MR1: variants seen among roughly 807,000 people sequenced by gnomAD.
The protein encoded by MR1 is major histocompatibility complex, class I-related.
Under a neutral mutation model 37.8 loss-of-function variants are expected in MR1, and 44 were observed. The ratio of observed to expected loss-of-function variants is 1.16; its 90% CI spans 0.91 to 1.50. The LOEUF (loss-of-function observed/expected upper bound fraction) is 1.50, where lower values mean the gene tolerates loss of function less well. Ranked by LOEUF, MR1 falls within the 40% of genes most tolerant of loss-of-function variation. MR1 has a pLI of 0.00. For missense variants in MR1, 386 were observed against 419.1 expected (o/e 0.92, Z 0.69); for synonymous variants, 153 against 155.8 (o/e 0.98, Z 0.13).
In MR1 at chr1:181,061,692, C is replaced by T. The variant is rs1469293188; in HGVS notation, c.*6427C>T. On this transcript the variant is annotated 3_prime_UTR_variant, in exon 6 of 6. Transcript: ENST00000367580. ...CAGTCTGTTTGCATGATGCCTTGTACGTAGTAGCAACTCAGTAAATACTTT... is the reference window on the plus strand; with the variant it reads ...CAGTCTGTTTGCATGATGCCTTGTATGTAGTAGCAACTCAGTAAATACTTT... The T allele has an allele frequency of 5.9e-5, 9 of 152,154 alleles. No individual in the cohort carries two copies. Among genetic ancestry groups the T allele is most frequent in the East Asian group, 3.8e-4 (2 of 5,204 alleles). 9.4% of individuals were successfully genotyped at this position (152,154 alleles called of 1,614,324 possible).
At chr1:181,046,834 C>T (rs1051676859) in intron 1 of MR1, among the ~76,000 whole-genome samples, 2 of 151,890 alleles carry the variant, frequency 1.3e-5, no homozygotes, top group Admixed American at 6.6e-5. Context: ...CCAGGAGGAA[C>T]GAACAACTCC....
intron 3 of MR1, 35 bp downstream of exon 3, chr1:181,050,321 C>T: frequency 6.2e-7 from 1 of 1,612,602 alleles, no homozygotes; most frequent in Non-Finnish European, 8.5e-7. Context: ...TCCCACATTG[C>T]CTGAACAACT....
At chr1:181,042,875 A>G (rs73050344) in intron 1 of MR1, among the ~76,000 whole-genome samples, 3,774 of 152,276 alleles carry the variant, frequency 0.025, 139 homozygotes, top group African/African-American at 0.083. Context: ...CCACAGAAAT[A>G]AAGTGTTTCA....
Position 181,055,936 on chromosome 1 carries a change from C to T in MR1, c.*671C>T, listed in dbSNP as rs1658591069. 1 of 152,264 alleles carries T rather than the reference C, an allele frequency of 6.6e-6. No homozygotes were observed. Among genetic ancestry groups the T allele is most frequent in the Admixed American group, 6.5e-5 (1 of 15,272 alleles). 9.4% of individuals were successfully genotyped at this position (152,264 alleles called of 1,614,324 possible). A position where few individuals can be genotyped will look rare whatever the true frequency, so the allele number is the denominator to read the frequency against. ...CCTGGGAGCTTGGAATCTTGGTAAT[C>T]TGCCCGGTTGGATCTATGGAGGTAG... is the stretch of plus-strand genomic sequence containing the variant. On this transcript the variant is annotated 3_prime_UTR_variant, in exon 6 of 6. Transcript: ENST00000367580.
At chr1:181,039,096 C>A (rs774183334) in intron 1 of MR1, among the ~76,000 whole-genome samples, 2 of 152,220 alleles carry the variant, frequency 1.3e-5, no homozygotes, top group Non-Finnish European at 2.9e-5. Context: ...TGAGCCACCA[C>A]ACCCGGCCTC....
intron 1 of MR1, among the ~76,000 whole-genome samples, chr1:181,040,200 A>G (rs557292720): frequency 1.1e-3 from 160 of 152,324 alleles, no homozygotes; most frequent in African/African-American, 3.8e-3. Flanking sequence ...AAGTGAGTTG[A>G]TGCTGATGAT....
At chr1:181,045,901 G>A (rs952035763) in intron 1 of MR1, among the ~76,000 whole-genome samples, 22 of 152,236 alleles carry the variant, frequency 1.4e-4, no homozygotes, top group African/African-American at 5.3e-4. Flanking sequence ...CCAAGTGGGC[G>A]TGGGCTTGGC....
rs894261960 is a variant in MR1, at chr1:181,056,341, C to T, written c.*1076C>T. 8.0e-5 allele frequency: 12 copies of T among 150,306 alleles called. No individual in the cohort carries two copies. Among genetic ancestry groups the T allele is most frequent in the African/African-American group, 1.7e-4 (7 of 40,912 alleles). The allele number at this position is 150,306 out of a possible 1,614,324, so 9.3% of individuals were successfully genotyped here. On this transcript the variant is annotated 3_prime_UTR_variant, in exon 6 of 6. Coordinates refer to ENST00000367580, the MANE Select transcript of MR1 (RefSeq NM_001385161.1). ...ATCACGCCACTGCACTCCAGCCTGG[C>T]GACAGAGTGAGACTCTATCTCAAAA...
intron 1 of MR1, among the ~76,000 whole-genome samples, chr1:181,036,420 C>T (rs1057346276): frequency 6.6e-6 from 1 of 152,092 alleles, no homozygotes. Flanking sequence ...CATTCCTGGG[C>T]TTTGAGGGAT....
intron 1 of MR1, among the ~76,000 whole-genome samples, chr1:181,047,636 G>A (rs1029496489): frequency 6.7e-6 from 1 of 149,276 alleles, no homozygotes; most frequent in African/African-American, 2.5e-5. Flanking sequence ...GGTGGTTCAC[G>A]CCCATAATCC....
chr1:181,050,087 A>G lies in MR1; in HGVS notation c.405A>G (p.Ala135=). 1.2e-6 allele frequency: 2 copies of G among 1,614,154 alleles called. No individual in the cohort carries two copies. Among genetic ancestry groups the G allele is most frequent in the Non-Finnish European group, 1.7e-6 (2 of 1,180,026 alleles). The change falls in exon 3 of 6, where the codon GCA becomes GCG. Residue 135 remains alanine (A), a synonymous_variant. Coordinates refer to ENST00000367580, the MANE Select transcript of MR1 (RefSeq NM_001385161.1). ...DGSTTGFLQY[A]YDGQDFLIFN... is the part of the protein sequence containing the mutation. The stretch of plus-strand genomic sequence containing the variant: ...GCACCACAGGATTTCTGCAGTATGC[A>G]TATGACGGGCAGGATTTCCTGATCT...
chr1:181,046,303 G>A (rs972448866), intron 1 of MR1, among the ~76,000 whole-genome samples: 1 of 152,266 alleles, frequency 6.6e-6, no homozygotes, highest in Non-Finnish European at 1.5e-5. Flanking sequence ...GAGTCTGGTG[G>A]GGACGTGGAG....
rs1658682849 is a variant in MR1 at position 181,057,527 on chromosome 1, A to G, written c.*2262A>G. 1 of 152,240 alleles carries G rather than the reference A, an allele frequency of 6.6e-6. No individual in the cohort carries two copies. The highest frequency in any genetic ancestry group is 2.4e-5 in the African/African-American group (1 of 41,458). The allele number at this position is 152,240 out of a possible 1,614,324, so 9.4% of individuals were successfully genotyped here. ...CAACTGCAGGATACTCTCATCAAAGACACAGATAAAAAGCCTCTGTGTTTC... is the reference window on the plus strand; with the variant it reads ...CAACTGCAGGATACTCTCATCAAAGGCACAGATAAAAAGCCTCTGTGTTTC... On this transcript the variant is annotated 3_prime_UTR_variant, in exon 6 of 6. Coordinates refer to ENST00000367580, the MANE Select transcript of MR1 (RefSeq NM_001385161.1).
intron 1 of MR1, among the ~76,000 whole-genome samples, chr1:181,047,086 G>A (rs760518252): frequency 6.6e-6 from 1 of 152,092 alleles, no homozygotes; most frequent in Non-Finnish European, 1.5e-5. Context: ...CACCCATAAT[G>A]CCACCTTGAA....
intron 4 of MR1, 97 bp from the exon 5 acceptor site, chr1:181,053,476 G>C (rs953909711): frequency 1.6e-5 from 13 of 829,228 alleles, no homozygotes; most frequent in Non-Finnish European, 2.7e-5. Context: ...GGAAAATGGT[G>C]TTGGGTTTCC....
chr1:181,050,430 C>G (rs184211875), intron 3 of MR1, 144 bp downstream of exon 3: 2 of 1,038,332 alleles, frequency 1.9e-6, no homozygotes, highest in Non-Finnish European at 2.8e-6. Flanking sequence ...AGAGCCCCCA[C>G]GAAAACTTTC....
chr1:181,045,588 C>T (rs763886139), intron 1 of MR1, among the ~76,000 whole-genome samples: 40 of 152,140 alleles, frequency 2.6e-4, no homozygotes, highest in Non-Finnish European at 5.0e-4. Context: ...TGAGACCTCC[C>T]TAAGACATCA....
At chr1:181,052,785 G>T (rs190792984) in intron 4 of MR1, among the ~76,000 whole-genome samples, 1 of 152,184 alleles carries the variant, frequency 6.6e-6, no homozygotes, top group African/African-American at 2.4e-5. Flanking sequence ...AATTAAACAC[G>T]AATGGGTGCA....
chr1:181,048,261 C>T (rs961059800), intron 1 of MR1, among the ~76,000 whole-genome samples: 2 of 149,796 alleles, frequency 1.3e-5, no homozygotes, highest in South Asian at 2.1e-4. Context: ...TTCGGCCAGG[C>T]GCAGTGGCTC....
Sources: gnomAD v4.1 joint callset for allele counts (sites outside exome capture counted in the v4.1 genomes callset) on GRCh38, gnomAD v4.1.1 for gene constraint, MANE v1.5 for transcripts, NCBI Gene and HGNC (gene_info 2026-07-23, HGNC 2026-07-21) for gene names.